The following GALNT17 variants were observed in gnomAD, a reference collection of about 807,000 sequenced individuals.
The protein encoded by GALNT17 is polypeptide N-acetylgalactosaminyltransferase 17.
In GALNT17, 29 loss-of-function variants were observed where a neutral mutation model predicts 63.7. The ratio of observed to expected loss-of-function variants is 0.46; its 90% CI spans 0.34 to 0.62. The LOEUF (loss-of-function observed/expected upper bound fraction) is 0.62, where lower values mean the gene tolerates loss of function less well. Ranked by LOEUF, GALNT17 falls within the 20% of genes least tolerant of loss-of-function variation. GALNT17 has a pLI of 0.01. For synonymous variants in GALNT17, 305 were observed against 318.3 expected (o/e 0.96, Z 0.45); for missense variants, 603 against 799.6 (o/e 0.75, Z 2.97).
At chr7:71,623,643 C>T (rs748687279) in intron 6 of GALNT17, among the ~76,000 whole-genome samples, 3 of 151,888 alleles carry the variant, frequency 2.0e-5, no homozygotes, top group East Asian at 2.0e-4. Flanking sequence ...ATTACGTTGG[C>T]GAGGCTGGTC....
At chr7:71,258,914 G>C (rs757156504) in intron 1 of GALNT17, among the ~76,000 whole-genome samples, 2 of 152,176 alleles carry the variant, frequency 1.3e-5, no homozygotes, top group Non-Finnish European at 2.9e-5. Context: ...GACATTTGAC[G>C]CAGAAAAGAC....
intron 5 of GALNT17, among the ~76,000 whole-genome samples, chr7:71,568,024 T>A (rs969674816): frequency 2.0e-5 from 3 of 152,178 alleles, no homozygotes; most frequent in Non-Finnish European, 4.4e-5. Flanking sequence ...ACCCTTTGGC[T>A]CCAAAGAATT....
At chr7:71,693,309 C>CACACATATATAT (rs1554325721) in intron 9 of GALNT17, among the ~76,000 whole-genome samples, 5 of 124,196 alleles carry the variant, frequency 4.0e-5, no homozygotes, top group East Asian at 4.8e-4. Context: ...CACACACACA[C>CACACATATATAT]ATATATATAT....
In GALNT17 at chr7:71,709,178, C is replaced by T. The variant is rs184402392; in HGVS notation, c.1501-1583C>T. ...ATGAACTAATTTACCTTCCCACCAA[C>T]AGTGTATAAGCATGCCTTCTTCTCT... On this transcript the variant is annotated intron_variant, in intron 9 of 10. Coordinates refer to ENST00000333538, the MANE Select transcript of GALNT17 (RefSeq NM_022479.3). 1.9e-3 allele frequency among the ~76,000 whole-genome samples: 297 copies of T among 152,336 alleles called. 2 individuals are homozygous for T. The highest frequency in any genetic ancestry group is 3.7e-3 in the Admixed American group (56 of 15,298).
intron 1 of GALNT17, among the ~76,000 whole-genome samples, chr7:71,291,480 T>C (rs2115820469): frequency 6.6e-6 from 1 of 152,334 alleles, no homozygotes; most frequent in South Asian, 2.1e-4. Context: ...CTAACAATAT[T>C]CAGTCATTTC....
At chr7:71,276,934 A>G (rs966067718) in intron 1 of GALNT17, among the ~76,000 whole-genome samples, 1 of 152,112 alleles carries the variant, frequency 6.6e-6, no homozygotes, top group Admixed American at 6.6e-5. Flanking sequence ...GCAGGCGGAG[A>G]TTGCAGTGAG....
intron 5 of GALNT17, among the ~76,000 whole-genome samples, chr7:71,519,138 G>A (rs1358335020): frequency 1.3e-5 from 2 of 152,152 alleles, no homozygotes; most frequent in African/African-American, 4.8e-5. Context: ...GTGACAAGGA[G>A]AGAAGTGTGA....
chr7:71,140,446 T>G lies in GALNT17; in HGVS notation c.238+7406T>G, dbSNP rs75376505. Among the ~76,000 whole-genome samples, 910 of 152,238 alleles carry G rather than the reference T, an allele frequency of 6.0e-3. 10 individuals carry two copies. Among genetic ancestry groups the G allele is most frequent in the African/African-American group, 0.021 (889 of 41,538 alleles). ...CAGCCCTCAGATGCAGGCACATCTG[T>G]GTTGGCAGGTGAGTGTGGTGGGCAC... On this transcript the variant is annotated intron_variant, in intron 1 of 10. Coordinates refer to ENST00000333538, the MANE Select transcript of GALNT17 (RefSeq NM_022479.3).
At chr7:71,224,611 G>C (rs192772713) in intron 1 of GALNT17, among the ~76,000 whole-genome samples, 2 of 152,118 alleles carry the variant, frequency 1.3e-5, no homozygotes, top group African/African-American at 4.8e-5. Flanking sequence ...AGCAAACCAC[G>C]AGAACACCTT....
Position 71,491,382 on chromosome 7 carries a change from G to A in GALNT17, c.962+70277G>A, listed in dbSNP as rs183223953. Among the ~76,000 whole-genome samples, 3 of 152,136 alleles carry A rather than the reference G, an allele frequency of 2.0e-5. No homozygotes were observed. In the East Asian group the frequency reaches 5.8e-4, roughly 29 times the overall value. Reference sequence around the variant, plus strand: ...CAGGAATGTAAGAAGCAGGCACGACGCCTTCTCTCCAACAGTTGCATTTTA... The same window carrying A: ...CAGGAATGTAAGAAGCAGGCACGACACCTTCTCTCCAACAGTTGCATTTTA... On this transcript the variant is annotated intron_variant, in intron 5 of 10. Transcript: ENST00000333538.
At chr7:71,520,164 G>A (rs1562673782) in intron 5 of GALNT17, among the ~76,000 whole-genome samples, 2 of 152,086 alleles carry the variant, frequency 1.3e-5, no homozygotes, top group South Asian at 4.1e-4. Context: ...GCGTCTCATG[G>A]GGGCCTAGAG....
At chr7:71,247,100 TTG>T (rs1381876590) in intron 1 of GALNT17, among the ~76,000 whole-genome samples, 1 of 152,078 alleles carries the variant, frequency 6.6e-6, no homozygotes, top group African/African-American at 2.4e-5. Context: ...TCTGCTGGGT[TTG>T]TGTTTGGTTT....
At chr7:71,594,412 C>T (rs1302140425) in intron 6 of GALNT17, among the ~76,000 whole-genome samples, 4 of 152,136 alleles carry the variant, frequency 2.6e-5, no homozygotes, top group African/African-American at 2.4e-5. Context: ...GCCTCAGCCT[C>T]CTGAGTAGCT....
At chr7:71,498,894 T>C (rs1310220776) in intron 5 of GALNT17, among the ~76,000 whole-genome samples, 1 of 152,206 alleles carries the variant, frequency 6.6e-6, no homozygotes, top group Non-Finnish European at 1.5e-5. Context: ...TTTGTGAAAA[T>C]GTAGAAGCTC....
chr7:71,366,741 C>A (rs542769381), intron 2 of GALNT17, among the ~76,000 whole-genome samples: 1 of 152,108 alleles, frequency 6.6e-6, no homozygotes, highest in Non-Finnish European at 1.5e-5. Flanking sequence ...AAGATTCTGC[C>A]GACTTGCTCT....
At chr7:71,458,333 G>A (rs994024150) in intron 5 of GALNT17, among the ~76,000 whole-genome samples, 8 of 152,160 alleles carry the variant, frequency 5.3e-5, no homozygotes, top group South Asian at 2.1e-4. Flanking sequence ...TTGTCTGTTC[G>A]CCACCCTTAA....
chr7:71,711,061 G>T (rs1791785281), intron 10 of GALNT17, 133 bp downstream of exon 10: 2 of 1,260,200 alleles, frequency 1.6e-6, no homozygotes, highest in East Asian at 2.5e-5. Context: ...CCCCGGGCTG[G>T]GCTTGTGGAC....
chr7:71,481,490 A>C (rs1192962703), intron 5 of GALNT17, among the ~76,000 whole-genome samples: 1 of 152,158 alleles, frequency 6.6e-6, no homozygotes, highest in African/African-American at 2.4e-5. Flanking sequence ...TGGCCTGGCC[A>C]TATGTGTGCT....
chr7:71,591,216 C>T (rs558366733), intron 6 of GALNT17, among the ~76,000 whole-genome samples: 8 of 150,006 alleles, frequency 5.3e-5, no homozygotes, highest in Non-Finnish European at 4.4e-5. Flanking sequence ...GCTATCATGC[C>T]GACTAATTTT....
Sources: allele counts gnomAD v4.1 joint callset (sites outside exome capture counted in the v4.1 genomes callset), GRCh38; gene constraint gnomAD v4.1.1; transcripts MANE v1.5; gene names NCBI Gene and HGNC (gene_info 2026-07-23, HGNC 2026-07-21).